THBS1: variants seen among roughly 807,000 people sequenced by gnomAD.
The protein encoded by THBS1 is thrombospondin-1.
Under a neutral mutation model 126.1 loss-of-function variants are expected in THBS1, and 29 were observed. The ratio of observed to expected loss-of-function variants is 0.23; its 90% confidence interval spans 0.17 to 0.31. THBS1 has a LOEUF of 0.31. THBS1 is among the 10% of genes least tolerant of loss of function. The pLI is 1.00. For synonymous variants in THBS1, 496 were observed against 577.8 expected (o/e 0.86, Z 2.03); for missense variants, 1,198 against 1,545.2 (o/e 0.78, Z 3.77).
At chr15:39,588,818 A>G in intron 10 of THBS1, 119 bp downstream of exon 10, 1 of 1,571,548 alleles carries the variant, frequency 6.4e-7, no homozygotes, top group South Asian at 1.2e-5. Context: ...TTGCTCTAAG[A>G]TGCAGGTGGA....
Position 39,588,122 on chromosome 15 carries a change from A to T in THBS1, c.1375A>T (p.Ile459Phe). Residue 459 changes from isoleucine to phenylalanine, a missense_variant, in exon 9 of 22, where the codon ATC becomes TTC. Transcript: ENST00000260356. ...ATGTGGTGATGGTGTGATCACAAGG[A>T]TCCGGCTCTGCAACTCTCCCAGCCC... is the stretch of plus-strand genomic sequence containing the variant. Reference protein sequence around the residue: ...VTCGDGVITRIRLCNSPSPQM... With the variant: ...VTCGDGVITRFRLCNSPSPQM... The T allele has an allele frequency of 6.2e-7, 1 of 1,614,232 alleles. No homozygotes were observed. Among genetic ancestry groups the T allele is most frequent in the Non-Finnish European group, 8.5e-7 (1 of 1,180,028 alleles).
intron 21 of THBS1, 86 bp from the exon 22 acceptor site, chr15:39,595,276 A>T: frequency 1.1e-6 from 1 of 878,044 alleles, no homozygotes; most frequent in Admixed American, 3.4e-5. Context: ...AGCTATTCCT[A>T]TGTGGTTAAC....
chr15:39,585,907 A>C lies in THBS1; in HGVS notation c.1120+344A>C, dbSNP rs1595508062. Among the ~76,000 whole-genome samples, 2 of 152,230 alleles carry C rather than the reference A, an allele frequency of 1.3e-5. 1 individual carries two copies. The highest frequency in any genetic ancestry group is 3.8e-4 in the East Asian group (2 of 5,200). On this transcript the variant is annotated intron_variant, in intron 7 of 21. Transcript: ENST00000260356. ...ATTTGACCTTAGTGGCACAGAGTTA[A>C]GAAAAATCTGCTCACCAGAGATATT...
rs1890132537 is a variant in THBS1, at chr15:39,582,549, T to C, written c.424T>C (p.Ser142Pro). ...LTVQGKQHVV[S>P]VEEALLATGQ... ...CGTCCAAGGAAAGCAGCACGTGGTGTCTGTGGAAGAAGCTCTCCTGGCAAC... is the reference window on the plus strand; with the variant it reads ...CGTCCAAGGAAAGCAGCACGTGGTGCCTGTGGAAGAAGCTCTCCTGGCAAC... Residue 142 changes from serine to proline, a missense_variant, in exon 3 of 22, where the codon TCT (serine) becomes CCT (proline). By Grantham distance (74) the Ser-to-Pro change is moderately conservative. Transcript: ENST00000260356. The C allele has an allele frequency of 6.2e-7, 1 of 1,613,976 alleles. No individual in the cohort carries two copies.
chr15:39,590,530 C>A lies in THBS1; in HGVS notation c.2160C>A (p.Asn720Lys). The A allele has an allele frequency of 6.2e-7, 1 of 1,613,408 alleles. No individual in the cohort carries two copies. The highest frequency in any genetic ancestry group is 8.5e-7 in the Non-Finnish European group (1 of 1,179,748). ...TYHCKKDNCP[N>K]LPNSGQEDYD... Reference sequence around the variant, plus strand: ...CTCTTTCCTAGGATAATTGCCCCAACCTTCCCAACTCAGGGCAGGAAGACT... The same window carrying A: ...CTCTTTCCTAGGATAATTGCCCCAAACTTCCCAACTCAGGGCAGGAAGACT... Residue 720 changes from asparagine (N) to lysine (K), a missense_variant, in exon 14 of 22, where the codon AAC (asparagine) becomes AAA (lysine). Transcript: ENST00000260356.
rs1361017801 is a variant in THBS1 at position 39,591,153 on chromosome 15, G to A, written c.2254-38G>A. 1.9e-6 allele frequency: 3 copies of A among 1,601,320 alleles called. No homozygotes were observed. The African/African-American group carries it at 4.0e-5, about 21-fold the overall frequency. On this transcript the variant is annotated intron_variant, in intron 14 of 21. Transcript: ENST00000260356. Reference sequence around the variant, plus strand: ...GTTTGAGGCTTGAGCTGTTTTCAAGGACAACATTGTTAAGTGCTCCATTTC... The same window carrying A: ...GTTTGAGGCTTGAGCTGTTTTCAAGAACAACATTGTTAAGTGCTCCATTTC...
chr15:39,595,514 G>T lies in THBS1; in HGVS notation c.*145G>T. The stretch of plus-strand genomic sequence containing the variant: ...TTGCATCAGTGTGGACTCCTAGAAC[G>T]TGCGACCTGCCTCAAGAAAATGCAG... On this transcript the variant is annotated 3_prime_UTR_variant, in exon 22 of 22. Transcript: ENST00000260356. 1 of 1,074,880 alleles carries T rather than the reference G, an allele frequency of 9.3e-7. No homozygotes were observed. The highest frequency in any genetic ancestry group is 1.6e-5 in the African/African-American group (1 of 63,138). 66.6% of individuals were successfully genotyped at this position (1,074,880 alleles called of 1,614,324 possible).
At position 39,585,496 on chromosome 15, in the gene THBS1, G is replaced by A; in HGVS notation, c.1053G>A (p.Val351=). The part of the protein sequence containing the change: ...CQNSVTICKK[V]SCPIMPCSNA... ...ACTCAGTTACCATCTGCAAAAAGGT[G>A]TCCTGCCCCATCATGCCCTGCTCCA... is the stretch of plus-strand genomic sequence containing the variant. The change falls in exon 7 of 22, where the codon GTG becomes GTA. Residue 351 remains valine (V), a synonymous_variant. Coordinates refer to ENST00000260356, the MANE Select transcript of THBS1 (RefSeq NM_003246.4). The A allele has an allele frequency of 6.2e-7, 1 of 1,614,176 alleles. No homozygotes were observed. Among genetic ancestry groups the A allele is most frequent in the Non-Finnish European group, 8.5e-7 (1 of 1,180,042 alleles).
At position 39,588,175 on chromosome 15, in the gene THBS1, C is replaced by T. The variant is rs753944951; in HGVS notation, c.1428C>T (p.Gly476=). The T allele has an allele frequency of 1.1e-5, 17 of 1,614,036 alleles. No homozygotes were observed. The highest frequency in any genetic ancestry group is 1.0e-4 in the Admixed American group (6 of 60,002). The part of the protein sequence containing the change: ...SPQMNGKPCE[G]EARETKACKK... ...AGATGAACGGGAAACCCTGTGAAGG[C>T]GAAGCGCGGGAGACCAAAGCCTGCA... Residue 476 remains glycine, a synonymous_variant, in exon 9 of 22, where the codon GGC becomes GGT. Coordinates refer to ENST00000260356, the MANE Select transcript of THBS1 (RefSeq NM_003246.4).
Position 39,595,405 on chromosome 15 carries a change from C to A in THBS1, c.*36C>A. 1 of 1,497,480 alleles carries A rather than the reference C, an allele frequency of 6.7e-7. No homozygotes were observed. The highest frequency in any genetic ancestry group is 1.4e-5 in the South Asian group (1 of 69,442). 92.8% of individuals were successfully genotyped at this position (1,497,480 alleles called of 1,614,324 possible). A position where few individuals can be genotyped will look rare whatever the true frequency, so the allele number is the denominator to read the frequency against. ...GTTGATTGAAAGACTGATCATAAAC[C>A]AATGCTGGTATTGCACCTTCTGGAA... On this transcript the variant is annotated 3_prime_UTR_variant, in exon 22 of 22. Coordinates refer to ENST00000260356, the MANE Select transcript of THBS1 (RefSeq NM_003246.4).
chr15:39,593,614 G>A lies in THBS1; in HGVS notation c.3213G>A (p.Gly1071=). 1.2e-6 allele frequency: 2 copies of A among 1,614,170 alleles called. No homozygotes were observed. The highest frequency in any genetic ancestry group is 1.7e-6 in the Non-Finnish European group (2 of 1,180,030). ...TGAAAGTTGTAAACTCCACCACAGG[G>A]CCTGGCGAGCACCTGCGGAACGCCC... ...LSVKVVNSTT[G]PGEHLRNALW... The change falls in exon 19 of 22, where the codon GGG becomes GGA. Residue 1071 remains glycine (G), a synonymous_variant. Transcript: ENST00000260356. This position sits in a 1 kb window ranked among gnomAD's most constrained non-coding sequence, Gnocchi z 5.9.
chr15:39,584,908 CA>C (rs1890182130), intron 6 of THBS1, among the ~76,000 whole-genome samples: 1 of 152,188 alleles, frequency 6.6e-6, no homozygotes, highest in South Asian at 2.1e-4. Flanking sequence ...CCCCGCATGC[CA>C]GTGGCCAGTG....
chr15:39,597,349 A>G lies in THBS1; in HGVS notation c.*1980A>G, dbSNP rs11282. On this transcript the variant is annotated 3_prime_UTR_variant, in exon 22 of 22. Coordinates refer to ENST00000260356, the MANE Select transcript of THBS1 (RefSeq NM_003246.4). ...TATTTGCCAATACCTTTTTCTAGGA[A>G]TGTGCTTTTTTTTGTACACATTTTT... The G allele has an allele frequency of 3.0e-3, 405 of 133,560 alleles. No individual in the cohort carries two copies. Among genetic ancestry groups the G allele is most frequent in the African/African-American group, 0.011 (361 of 34,188 alleles). 8.3% of individuals were successfully genotyped at this position (133,560 alleles called of 1,614,324 possible).
intron 9 of THBS1, 35 bp from the exon 10 acceptor site, chr15:39,588,491 A>G (rs1890253830): frequency 6.6e-7 from 1 of 1,523,120 alleles, no homozygotes; most frequent in Non-Finnish European, 8.8e-7. Flanking sequence ...TTGAAAGTTG[A>G]TCTTAATTGT....
Position 39,582,724 on chromosome 15 carries a change from C to T in THBS1, c.599C>T (p.Ala200Val), listed in dbSNP as rs1246738458. Reference protein sequence around the residue: ...DLASIARLRIAKGGVNDNFQG... With the variant: ...DLASIARLRIVKGGVNDNFQG... ...GCCAGCATCGCCAGACTCCGCATCGCAAAGGGGGGCGTCAATGACAATTTC... is the reference window on the plus strand; with the variant it reads ...GCCAGCATCGCCAGACTCCGCATCGTAAAGGGGGGCGTCAATGACAATTTC... The change falls in exon 3 of 22, where the codon GCA becomes GTA. Residue 200 changes from alanine to valine, a missense_variant. Physicochemically the swap from Ala to Val is moderately conservative, Grantham distance 64. This residue lies in a region of THBS1 where 271 missense variants were observed against 277.0 expected (regional missense o/e 0.98). Coordinates refer to ENST00000260356, the MANE Select transcript of THBS1 (RefSeq NM_003246.4). The T allele has an allele frequency of 6.2e-7, 1 of 1,611,792 alleles. No individual in the cohort carries two copies. The highest frequency in any genetic ancestry group is 1.3e-5 in the African/African-American group (1 of 74,948).
Position 39,597,682 on chromosome 15 carries a change from T to C in THBS1, c.*2313T>C, listed in dbSNP as rs1386114461. The C allele has an allele frequency of 6.6e-6, 1 of 152,192 alleles. No homozygotes were observed. The highest frequency in any genetic ancestry group is 1.5e-5 in the Non-Finnish European group (1 of 68,032). The allele number at this position is 152,192 out of a possible 1,614,324, so 9.4% of individuals were successfully genotyped here. ...GGAATAAAAGAACAAAATGATACAT[T>C]AGCCTGCCATATCAAAAACATATAA... On this transcript the variant is annotated 3_prime_UTR_variant, in exon 22 of 22. Coordinates refer to ENST00000260356, the MANE Select transcript of THBS1 (RefSeq NM_003246.4).
rs1207232148 is a variant in THBS1, at chr15:39,594,318, G to C, written c.3383G>C (p.Gly1128Ala). Residue 1128 changes from glycine to alanine, a missense_variant, in exon 21 of 22, where the codon GGG (glycine) becomes GCG (alanine). By Grantham distance (60) the Gly-to-Ala change is moderately conservative. Transcript: ENST00000260356. This position sits in a 1 kb window ranked among gnomAD's most constrained non-coding sequence, Gnocchi z 4.4. ...CCCTGCAGAGTGGTGATGTATGAAG[G>C]GAAGAAAATCATGGCTGACTCAGGA... ...TGFIRVVMYE[G>A]KKIMADSGPI... 6.2e-7 allele frequency: 1 copy of C among 1,614,056 alleles called. No homozygotes were observed. The highest frequency in any genetic ancestry group is 1.7e-5 in the Admixed American group (1 of 59,994).
At chr15:39,585,830 G>A (rs1248025853) in intron 7 of THBS1, among the ~76,000 whole-genome samples, 1 of 152,162 alleles carries the variant, frequency 6.6e-6, no homozygotes, top group Non-Finnish European at 1.5e-5. Context: ...TTTGCTTTGA[G>A]GAAAAGAGAT....
chr15:39,595,311 T>C, intron 21 of THBS1, 51 bp from the exon 22 acceptor site: 1 of 1,219,928 alleles, frequency 8.2e-7, no homozygotes, highest in Non-Finnish European at 1.1e-6. Flanking sequence ...GTCTATGCTT[T>C]TATGAATTAG....
Sources: allele counts gnomAD v4.1 joint callset (sites outside exome capture counted in the v4.1 genomes callset), GRCh38; gene constraint gnomAD v4.1.1; regional missense constraint gnomAD v4.1.1; non-coding constraint Gnocchi (gnomAD v3.1); transcripts MANE v1.5; gene names NCBI Gene and HGNC (gene_info 2026-07-23, HGNC 2026-07-21).